The following SLC10A7 variants were observed in gnomAD, a reference collection of about 807,000 sequenced individuals.
The protein encoded by SLC10A7 is solute carrier family 10 member 7, also known as sodium/bile acid cotransporter 7.
In SLC10A7, 29 loss-of-function variants were observed where a neutral mutation model predicts 43.2. The observed-to-expected ratio is 0.67, with a 90% CI of 0.50 to 0.92. The LOEUF is 0.92. Ranked by LOEUF, SLC10A7 falls within the 40% of genes least tolerant of loss-of-function variation. The probability of loss-of-function intolerance (pLI) is 0.00; values close to 1 mark genes in which losing one functional copy is unlikely to be tolerated. For synonymous variants in SLC10A7, 152 were observed against 144.8 expected (o/e 1.05, Z -0.35); for missense variants, 295 against 403.2 (o/e 0.73, Z 2.30).
intron 6 of SLC10A7, among the ~76,000 whole-genome samples, chr4:146,307,859 A>G (rs1017675937): frequency 1.2e-5 from 1 of 80,886 alleles, no homozygotes; most frequent in Non-Finnish European, 2.5e-5. Context: ...AACCATTTCA[A>G]AGGTATATTC....
chr4:146,424,661 GAAAAAAACAAA>G (rs1247377757), intron 5 of SLC10A7, among the ~76,000 whole-genome samples: 2 of 144,432 alleles, frequency 1.4e-5, no homozygotes, highest in African/African-American at 2.6e-5. Flanking sequence ...CTCCATCTCA[GAAAAAAACAAA>G]AAAAAAACAA....
At chr4:146,325,155 A>T (rs542390598) in intron 6 of SLC10A7, among the ~76,000 whole-genome samples, 15 of 152,352 alleles carry the variant, frequency 9.8e-5, no homozygotes, top group Admixed American at 7.2e-4. Context: ...GCTACATTAC[A>T]TTCCCAGAAA....
At chr4:146,325,803 C>T (rs946481888) in intron 6 of SLC10A7, among the ~76,000 whole-genome samples, 158 bp downstream of exon 6, 9 of 152,122 alleles carry the variant, frequency 5.9e-5, no homozygotes, top group African/African-American at 1.9e-4. Context: ...GAAGCTTCTT[C>T]GTATCTGAAT....
chr4:146,375,398 T>G (rs1381326853), intron 5 of SLC10A7, among the ~76,000 whole-genome samples: 1 of 152,088 alleles, frequency 6.6e-6, no homozygotes, highest in Non-Finnish European at 1.5e-5. Flanking sequence ...GCCTGGAATG[T>G]TCTCCAGAAA....
chr4:146,446,748 C>A (rs1396706517), intron 4 of SLC10A7, among the ~76,000 whole-genome samples: 2 of 106,922 alleles, frequency 1.9e-5, no homozygotes, highest in African/African-American at 7.1e-5. Flanking sequence ...GTTTATCTAT[C>A]TATCTATCTA....
At chr4:146,350,109 C>A (rs1045839649) in intron 5 of SLC10A7, among the ~76,000 whole-genome samples, 1 of 150,846 alleles carries the variant, frequency 6.6e-6, no homozygotes, top group Admixed American at 6.6e-5. Context: ...TCTGCATTTC[C>A]ATCTGAGGTA....
At chr4:146,337,893 TATA>T (rs1226673278) in intron 5 of SLC10A7, among the ~76,000 whole-genome samples, 1 of 151,888 alleles carries the variant, frequency 6.6e-6, no homozygotes, top group African/African-American at 2.4e-5. Context: ...ATGTAAAATA[TATA>T]ATATTAATTA....
chr4:146,508,036 T>G (rs533923320), intron 3 of SLC10A7, among the ~76,000 whole-genome samples: 104 of 152,336 alleles, frequency 6.8e-4, no homozygotes, highest in African/African-American at 2.5e-3. Flanking sequence ...TTTTAACAGC[T>G]CTCTCTCCAT....
intron 4 of SLC10A7, among the ~76,000 whole-genome samples, chr4:146,451,416 A>AT (rs1731596977): frequency 6.6e-6 from 1 of 152,042 alleles, no homozygotes; most frequent in African/African-American, 2.4e-5. Flanking sequence ...CCAGACAAGG[A>AT]CACAACACAA....
intron 4 of SLC10A7, chr4:146,477,896 A>G (rs1734160276): frequency 6.6e-6 from 1 of 152,240 alleles, no homozygotes; most frequent in Non-Finnish European, 1.5e-5. Context: ...ATGATAAATG[A>G]TAACACACTT....
At chr4:146,365,992 C>T (rs1332366965) in intron 5 of SLC10A7, among the ~76,000 whole-genome samples, 2 of 152,212 alleles carry the variant, frequency 1.3e-5, no homozygotes, top group East Asian at 1.9e-4. Context: ...CTCTTGTGAA[C>T]TGCACATGTG....
chr4:146,301,352 G>A (rs1359684914), intron 7 of SLC10A7, among the ~76,000 whole-genome samples: 1 of 152,132 alleles, frequency 6.6e-6, no homozygotes, highest in Non-Finnish European at 1.5e-5. Context: ...TATGCAGCAT[G>A]GGAAAAGCAG....
In SLC10A7 at chr4:146,342,197, A is replaced by T. The variant is rs373741344; in HGVS notation, c.436-16201T>A. 7.2e-5 allele frequency among the ~76,000 whole-genome samples: 11 copies of T among 151,910 alleles called. No homozygotes were observed. In the East Asian group the frequency reaches 2.1e-3, roughly 29 times the overall value. On this transcript the variant is annotated intron_variant, in intron 5 of 11. Transcript: ENST00000335472. ...TTTCCTGGAGCTCTTTCCATAAAAG[A>T]ATATATAAGCACACCTCATTCTTTT...
chr4:146,309,852 C>T (rs994998440), intron 6 of SLC10A7, among the ~76,000 whole-genome samples: 9 of 152,192 alleles, frequency 5.9e-5, no homozygotes, highest in East Asian at 5.8e-4. Context: ...AGGGGGTACA[C>T]GTGCAAGTTT....
At chr4:146,349,104 T>G (rs1734832519) in intron 5 of SLC10A7, among the ~76,000 whole-genome samples, 1 of 152,224 alleles carries the variant, frequency 6.6e-6, no homozygotes, top group African/African-American at 2.4e-5. Flanking sequence ...TTCAAATGAT[T>G]TTTGCTGGTT....
At chr4:146,306,044 C>T (rs1023743630) in intron 6 of SLC10A7, 35 bp from the exon 7 acceptor site, 4 of 1,519,514 alleles carry the variant, frequency 2.6e-6, no homozygotes, top group Middle Eastern at 1.8e-4. Context: ...AGAATTACTT[C>T]AAATCAGTTA....
chr4:146,313,290 A>G (rs1732104691), intron 6 of SLC10A7, among the ~76,000 whole-genome samples: 1 of 152,180 alleles, frequency 6.6e-6, no homozygotes, highest in African/African-American at 2.4e-5. Flanking sequence ...GAAGCCTGAG[A>G]AGTCCCACAC....
At chr4:146,507,663 C>CAA in intron 3 of SLC10A7, among the ~76,000 whole-genome samples, 1 of 152,230 alleles carries the variant, frequency 6.6e-6, no homozygotes, top group East Asian at 1.9e-4. Context: ...AGATGCTTCT[C>CAA]AGCCAATCTG....
chr4:146,482,953 G>GA lies in SLC10A7; in HGVS notation c.396+20895dup, dbSNP rs143319203. 3.0e-3 allele frequency among the ~76,000 whole-genome samples: 448 copies of GA among 147,728 alleles called. 2 individuals are homozygous for GA. The highest frequency in any genetic ancestry group is 0.01 in the Middle Eastern group (3 of 288). ...GAATGATATATTCAAAGTACTGAAA[G>GA]AAAAAAAAAACTGACAACCAAGAAT... is the stretch of plus-strand genomic sequence containing the variant. On this transcript the variant is annotated intron_variant, in intron 4 of 11. Coordinates refer to ENST00000335472, the MANE Select transcript of SLC10A7 (RefSeq NM_001029998.6).
Sources: gnomAD v4.1 joint callset for allele counts (sites outside exome capture counted in the v4.1 genomes callset) on GRCh38, gnomAD v4.1.1 for gene constraint, MANE v1.5 for transcripts, NCBI Gene and HGNC (gene_info 2026-07-23, HGNC 2026-07-21) for gene names.